CHSY3: variants seen among roughly 807,000 people sequenced by gnomAD.
CHSY3 encodes chondroitin sulfate synthase 3.
CHSY3 carries 35 observed loss-of-function variants against 67.2 expected under a neutral mutation model. The ratio of observed to expected loss-of-function variants is 0.52; its 90% CI spans 0.40 to 0.69. The LOEUF is 0.69. CHSY3 is among the 30% of genes least tolerant of loss of function. CHSY3 has a pLI of 0.00. For missense variants in CHSY3, 1,069 were observed against 1,138.5 expected, an observed-to-expected ratio of 0.94 and a Z score of 0.88; for synonymous variants, 474 against 434.7, an observed-to-expected ratio of 1.09 and a Z score of -1.12.
chr5:130,185,768 A>G lies in CHSY3; in HGVS notation c.2626A>G (p.Arg876Gly), dbSNP rs1770401527. The G allele has an allele frequency of 2.5e-6, 4 of 1,603,352 alleles. No homozygotes were observed. The East Asian group carries it at 8.9e-5, about 36-fold the overall frequency. ...CTGGCTTGAAAAACATTTAGGTGTC[A>G]GGTACAATCGAACTCTCTCCTGACA... ...ELWLEKHLGV[R>G]YNRTLS The change falls in exon 3 of 3, where the codon AGG (arginine) becomes GGG (glycine). Residue 876 changes from arginine (R) to glycine (G), a missense_variant. By Grantham distance (125) the Arg-to-Gly change is moderately radical (BLOSUM62 -2). Coordinates refer to ENST00000305031, the MANE Select transcript of CHSY3 (RefSeq NM_175856.5).
chr5:130,057,909 A>G (rs953306897), intron 2 of CHSY3, among the ~76,000 whole-genome samples: 1 of 152,086 alleles, frequency 6.6e-6, no homozygotes, highest in East Asian at 1.9e-4. Flanking sequence ...ACAGAGAGAG[A>G]GAGAGAGAGA....
chr5:130,185,445 T>G lies in CHSY3; in HGVS notation c.2303T>G (p.Phe768Cys). 6.2e-7 allele frequency: 1 copy of G among 1,614,034 alleles called. No homozygotes were observed. Among genetic ancestry groups the G allele is most frequent in the Non-Finnish European group, 8.5e-7 (1 of 1,179,952 alleles). ...CCTCCCACTGATGATTACTTCATAT[T>G]CTCAAAAAAGACTGGATTTTGGAGA... ...GNPPTDDYFI[F>C]SKKTGFWRDY... is the part of the protein sequence containing the mutation. The change falls in exon 3 of 3, where the codon TTC becomes TGC. Residue 768 changes from phenylalanine (F) to cysteine (C), a missense_variant. Coordinates refer to ENST00000305031, the MANE Select transcript of CHSY3 (RefSeq NM_175856.5).
rs758670912 is a variant in CHSY3 at position 130,185,604 on chromosome 5, C to A, written c.2462C>A (p.Pro821Gln). ...AAAGTCATTCTATCTGGCTTAAGGCCATTCAGAAGCCAAGAAGTAGGAGTG... is the reference window on the plus strand; with the variant it reads ...AAAGTCATTCTATCTGGCTTAAGGCAATTCAGAAGCCAAGAAGTAGGAGTG... ...YNKVILSGLRPFRSQEVGVVH... is the reference protein window; with the variant it reads ...YNKVILSGLRQFRSQEVGVVH... Residue 821 changes from proline (P) to glutamine (Q), a missense_variant, in exon 3 of 3, where the codon CCA becomes CAA. Pro to Gln is a moderately conservative substitution (Grantham distance 76, BLOSUM62 -1). Coordinates refer to ENST00000305031, the MANE Select transcript of CHSY3 (RefSeq NM_175856.5). The A allele has an allele frequency of 1.9e-5, 31 of 1,613,956 alleles. No homozygotes were observed. The South Asian group carries it at 2.5e-4, about 13-fold the overall frequency.
intron 2 of CHSY3, among the ~76,000 whole-genome samples, chr5:129,936,497 C>A (rs767086739): frequency 8.5e-5 from 13 of 152,174 alleles, no homozygotes; most frequent in Middle Eastern, 6.8e-3. Flanking sequence ...ACCCTGGAAA[C>A]ATTTTCCCTC....
chr5:130,010,351 A>G (rs796482813), intron 2 of CHSY3, among the ~76,000 whole-genome samples: 5 of 152,276 alleles, frequency 3.3e-5, no homozygotes, highest in African/African-American at 1.2e-4. Flanking sequence ...TTACAATTAC[A>G]TGGAAATTAA....
At chr5:130,164,593 C>T (rs1449638900) in intron 2 of CHSY3, among the ~76,000 whole-genome samples, 1 of 152,070 alleles carries the variant, frequency 6.6e-6, no homozygotes, top group Non-Finnish European at 1.5e-5. Flanking sequence ...ATCCATAAGA[C>T]TCCATCTTTT....
intron 2 of CHSY3, among the ~76,000 whole-genome samples, chr5:130,053,671 C>T (rs926959518): frequency 6.6e-6 from 1 of 151,922 alleles, no homozygotes; most frequent in Non-Finnish European, 1.5e-5. Context: ...TTCTTTATAG[C>T]AGGGGAAGAT....
intron 2 of CHSY3, among the ~76,000 whole-genome samples, chr5:130,180,159 C>T (rs935507156): frequency 9.9e-5 from 15 of 152,166 alleles, no homozygotes; most frequent in African/African-American, 3.6e-4. Flanking sequence ...TGGGCACTGA[C>T]ACTGATCTGC....
chr5:130,085,530 G>A (rs887618248), intron 2 of CHSY3, among the ~76,000 whole-genome samples: 2 of 151,882 alleles, frequency 1.3e-5, no homozygotes, highest in African/African-American at 2.4e-5. Flanking sequence ...CTAGCTGTCT[G>A]TCAATTTTGT....
chr5:130,149,104 T>C (rs1286655619), intron 2 of CHSY3, among the ~76,000 whole-genome samples: 2 of 152,224 alleles, frequency 1.3e-5, no homozygotes, highest in Non-Finnish European at 2.9e-5. Context: ...GTTTCAATCT[T>C]CTTCATATGG....
intron 2 of CHSY3, among the ~76,000 whole-genome samples, chr5:129,919,494 G>C (rs1487094871): frequency 9.2e-5 from 14 of 152,156 alleles, no homozygotes; most frequent in Admixed American, 9.2e-4. Flanking sequence ...CACGTGGCTG[G>C]GGAGGCCTCA....
In CHSY3 at chr5:129,905,312, C is replaced by T. The variant is rs369547895; in HGVS notation, c.483C>T (p.Gly161=). The T allele has an allele frequency of 5.3e-6, 8 of 1,505,722 alleles. No homozygotes were observed. The highest frequency in any genetic ancestry group is 2.8e-5 in the African/African-American group (2 of 72,200). The allele number at this position is 1,505,722 out of a possible 1,614,324, so 93.3% of individuals were successfully genotyped here. A position where few individuals can be genotyped will look rare whatever the true frequency, so the allele number is the denominator to read the frequency against. The change falls in exon 1 of 3, where the codon GGC becomes GGT. Residue 161 remains glycine, a synonymous_variant. Transcript: ENST00000305031. ...GSSHNGSGDG[G]AAAPSARPRD... ...GCCACAACGGCAGCGGGGACGGGGGCGCTGCCGCCCCGAGCGCCCGACCCC... is the reference window on the plus strand; with the variant it reads ...GCCACAACGGCAGCGGGGACGGGGGTGCTGCCGCCCCGAGCGCCCGACCCC...
chr5:130,011,807 A>G lies in CHSY3; in HGVS notation c.1086+103447A>G, dbSNP rs547311219. Among the ~76,000 whole-genome samples the G allele has an allele frequency of 7.2e-5, 11 of 152,352 alleles. No individual in the cohort carries two copies. The East Asian group carries it at 1.9e-3, about 27-fold the overall frequency. ...GCAATGTATATAAATCAGTGTTTCT[A>G]TACACAAATAACATTCAAGCTGAGA... On this transcript the variant is annotated intron_variant, in intron 2 of 2. Coordinates refer to ENST00000305031, the MANE Select transcript of CHSY3 (RefSeq NM_175856.5).
intron 2 of CHSY3, among the ~76,000 whole-genome samples, chr5:130,124,737 C>A (rs1469717654): frequency 6.6e-6 from 1 of 152,142 alleles, no homozygotes; most frequent in African/African-American, 2.4e-5. Flanking sequence ...GGATTACAGG[C>A]GTGAGCCACT....
At chr5:129,937,733 G>C (rs1761549104) in intron 2 of CHSY3, among the ~76,000 whole-genome samples, 1 of 152,034 alleles carries the variant, frequency 6.6e-6, no homozygotes, top group Admixed American at 6.5e-5. Flanking sequence ...CAAAACAAAG[G>C]GGCTACAGGC....
intron 2 of CHSY3, among the ~76,000 whole-genome samples, chr5:130,093,014 G>A (rs1766931085): frequency 6.6e-6 from 1 of 152,142 alleles, no homozygotes; most frequent in Non-Finnish European, 1.5e-5. Flanking sequence ...GGTTTCCTTA[G>A]AAAGGAACTC....
chr5:130,015,148 TAA>T (rs1228827650), intron 2 of CHSY3, among the ~76,000 whole-genome samples: 2 of 152,090 alleles, frequency 1.3e-5, no homozygotes, highest in African/African-American at 4.8e-5. Context: ...TCTGATGGTT[TAA>T]AAGTGTGTGG....
At chr5:129,940,772 CAT>C (rs199635502) in intron 2 of CHSY3, among the ~76,000 whole-genome samples, 1 of 151,666 alleles carries the variant, frequency 6.6e-6, no homozygotes, top group Non-Finnish European at 1.5e-5. Context: ...TTTATATATA[CAT>C]ATATATATGT....
At chr5:129,997,275 T>A (rs1267657506) in intron 2 of CHSY3, among the ~76,000 whole-genome samples, 1 of 152,184 alleles carries the variant, frequency 6.6e-6, no homozygotes, top group East Asian at 1.9e-4. Flanking sequence ...GACACCCACC[T>A]CTTTTTCTCT....
Sources: allele counts gnomAD v4.1 joint callset (sites outside exome capture counted in the v4.1 genomes callset), GRCh38; gene constraint gnomAD v4.1.1; transcripts MANE v1.5; gene names NCBI Gene and HGNC (gene_info 2026-07-23, HGNC 2026-07-21).